Variants in PDE7B observed in about 807,000 individuals in gnomAD.
PDE7B encodes the protein phosphodiesterase 7B.
Under a neutral mutation model 56.2 loss-of-function variants are expected in PDE7B, and 29 were observed. The observed-to-expected ratio is 0.52, with a 90% CI of 0.38 to 0.70. The LOEUF (loss-of-function observed/expected upper bound fraction) is 0.70. Among genes scored for constraint, PDE7B ranks in the 30% least tolerant of loss-of-function variants. The probability of loss-of-function intolerance (pLI) is 0.00; values close to 1 mark genes in which losing one functional copy is unlikely to be tolerated. For missense variants in PDE7B, 490 were observed against 565.0 expected, an observed-to-expected ratio of 0.87 and a Z score of 1.35; for synonymous variants, 197 against 196.9, an observed-to-expected ratio of 1.00 and a Z score of 0.00.
intron 2 of PDE7B, among the ~76,000 whole-genome samples, chr6:136,077,526 A>T (rs1255780964): frequency 2.0e-5 from 3 of 152,252 alleles, no homozygotes; most frequent in Non-Finnish European, 2.9e-5. Flanking sequence ...GGCTTTTTAA[A>T]CTATGTACAG....
At chr6:136,150,947 A>G (rs1215963842) in intron 5 of PDE7B, among the ~76,000 whole-genome samples, 1 of 152,094 alleles carries the variant, frequency 6.6e-6, no homozygotes, top group Non-Finnish European at 1.5e-5. Flanking sequence ...TGGTGAAGGG[A>G]GAAGGTCTGA....
At chr6:136,139,572 T>G (rs974702640) in intron 3 of PDE7B, among the ~76,000 whole-genome samples, 30 of 152,300 alleles carry the variant, frequency 2.0e-4, no homozygotes, top group African/African-American at 4.1e-4. Flanking sequence ...TTGAACTAGT[T>G]TACAGTCCCA....
intron 1 of PDE7B, among the ~76,000 whole-genome samples, chr6:135,864,651 T>C (rs1234346848): frequency 6.6e-6 from 1 of 152,176 alleles, no homozygotes; most frequent in African/African-American, 2.4e-5. Context: ...TACTTAGGTA[T>C]GGTTTTCTCT....
intron 1 of PDE7B, among the ~76,000 whole-genome samples, chr6:135,934,015 C>T (rs879705461): frequency 2.0e-5 from 3 of 152,116 alleles, no homozygotes; most frequent in Non-Finnish European, 4.4e-5. Context: ...CTTTCCTATA[C>T]CTCTGTTGGT....
chr6:136,181,160 GC>G, intron 10 of PDE7B, 66 bp from the exon 11 acceptor site: 3 of 1,111,992 alleles, frequency 2.7e-6, no homozygotes, highest in Non-Finnish European at 4.1e-6. Context: ...AGCCTCTTTG[GC>G]TTGGGGTGCT....
At chr6:136,042,844 G>A (rs924753690) in intron 2 of PDE7B, among the ~76,000 whole-genome samples, 1 of 152,166 alleles carries the variant, frequency 6.6e-6, no homozygotes, top group Non-Finnish European at 1.5e-5. Context: ...TGTATACCAG[G>A]CACTGTGCTA....
At chr6:136,094,951 T>TAC (rs941411080) in intron 2 of PDE7B, 6 of 152,192 alleles carry the variant, frequency 3.9e-5, no homozygotes, top group Admixed American at 6.5e-5. Flanking sequence ...CTAAGTATTT[T>TAC]ACACACACAC....
chr6:136,144,167 TAA>T (rs907636504), intron 3 of PDE7B, among the ~76,000 whole-genome samples: 5 of 152,082 alleles, frequency 3.3e-5, no homozygotes, highest in African/African-American at 7.2e-5. Flanking sequence ...CAAAACTCCT[TAA>T]AAGAGTGGTC....
chr6:135,917,728 T>C (rs1583768743), intron 1 of PDE7B, among the ~76,000 whole-genome samples: 2 of 152,330 alleles, frequency 1.3e-5, no homozygotes, highest in African/African-American at 4.8e-5. Flanking sequence ...TTGTCTTCCT[T>C]TAATAATTGT....
chr6:135,895,399 C>T (rs1450120959), intron 1 of PDE7B, among the ~76,000 whole-genome samples: 9 of 152,016 alleles, frequency 5.9e-5, no homozygotes, highest in South Asian at 2.1e-4. Context: ...TAACCTGGAA[C>T]GGGGAGAGAA....
intron 1 of PDE7B, among the ~76,000 whole-genome samples, chr6:135,942,555 T>C (rs1201667291): frequency 6.6e-6 from 1 of 152,168 alleles, no homozygotes; most frequent in African/African-American, 2.4e-5. Context: ...GTCATTACTA[T>C]AGTTGCCGTG....
intron 3 of PDE7B, among the ~76,000 whole-genome samples, chr6:136,135,170 G>T (rs1277271509): frequency 6.6e-6 from 1 of 152,030 alleles, no homozygotes; most frequent in African/African-American, 2.4e-5. Flanking sequence ...TTCTATTCAA[G>T]ACCTGAGTTT....
chr6:136,033,489 AG>A (rs965163277), intron 2 of PDE7B, among the ~76,000 whole-genome samples: 3 of 152,322 alleles, frequency 2.0e-5, no homozygotes, highest in Admixed American at 6.5e-5. Flanking sequence ...AGGCTAGCAC[AG>A]AAGGTCTTCC....
intron 1 of PDE7B, among the ~76,000 whole-genome samples, chr6:135,904,178 T>C (rs6570056): frequency 0.55 from 83,603 of 152,020 alleles, 23,284 homozygotes; most frequent in African/African-American, 0.64. Context: ...GCCAGAATAT[T>C]TTCTTTGCCA....
rs116183713 is a variant in PDE7B at position 136,073,582 on chromosome 6, A to T, written c.83-35149A>T. On this transcript the variant is annotated intron_variant, in intron 2 of 12. Transcript: ENST00000308191. ...TGTGTCCTAATTTTCTCTTCATACA[A>T]GTGCACTAGTCATAATGGATTAGGG... 5.6e-3 allele frequency among the ~76,000 whole-genome samples: 852 copies of T among 152,174 alleles called. 6 individuals are homozygous for T. The highest frequency in any genetic ancestry group is 0.019 in the African/African-American group (805 of 41,514).
chr6:135,901,991 G>A (rs148358762), intron 1 of PDE7B, among the ~76,000 whole-genome samples: 25 of 152,206 alleles, frequency 1.6e-4, no homozygotes, highest in African/African-American at 5.8e-4. Context: ...CTGGTTGAAC[G>A]ATATCATCTC....
intron 3 of PDE7B, among the ~76,000 whole-genome samples, chr6:136,137,289 A>C (rs1030630291): frequency 2.0e-5 from 3 of 152,132 alleles, no homozygotes; most frequent in Non-Finnish European, 4.4e-5. Context: ...TTCCTATAAA[A>C]GGAAGATAAA....
intron 1 of PDE7B, among the ~76,000 whole-genome samples, chr6:135,920,673 G>T (rs1362906959): frequency 1.3e-5 from 2 of 152,298 alleles, no homozygotes; most frequent in African/African-American, 4.8e-5. Flanking sequence ...AATAACCACA[G>T]CATATGAAGT....
At chr6:135,979,528 G>A (rs1163158727) in intron 2 of PDE7B, among the ~76,000 whole-genome samples, 1 of 151,924 alleles carries the variant, frequency 6.6e-6, no homozygotes, top group Non-Finnish European at 1.5e-5. Flanking sequence ...TGGTTGGTAA[G>A]CTATTGATTA....
Sources: gnomAD v4.1 joint callset for allele counts (sites outside exome capture counted in the v4.1 genomes callset) on GRCh38, gnomAD v4.1.1 for gene constraint, MANE v1.5 for transcripts, NCBI Gene and HGNC (gene_info 2026-07-23, HGNC 2026-07-21) for gene names.